PSMA1: variants seen among roughly 807,000 people sequenced by gnomAD.
PSMA1 encodes the protein proteasome 20S subunit alpha 1.
In PSMA1, 3 loss-of-function variants were observed where a neutral mutation model predicts 38.4. That is an observed-to-expected ratio of 0.08 (90% CI 0.04 to 0.20). The LOEUF is 0.20. PSMA1 is among the 10% of genes least tolerant of loss of function. The pLI is 1.00. For synonymous variants in PSMA1, 101 were observed against 107.1 expected (o/e 0.94, Z 0.35); for missense variants, 227 against 325.3 (o/e 0.70, Z 2.32).
chr11:14,630,942 T>C (rs1852996656), intron 1 of PSMA1, among the ~76,000 whole-genome samples: 1 of 152,164 alleles, frequency 6.6e-6, no homozygotes, highest in Admixed American at 6.5e-5. Context: ...GATTTTCTAG[T>C]TTATTTGCGT....
At chr11:14,576,844 G>A (rs1852223730) in intron 2 of PSMA1, among the ~76,000 whole-genome samples, 2 of 152,264 alleles carry the variant, frequency 1.3e-5, no homozygotes, top group African/African-American at 4.8e-5. Context: ...GATGGGGATG[G>A]CATTGAATCT....
chr11:14,606,342 G>A (rs1852643085), intron 2 of PSMA1, among the ~76,000 whole-genome samples: 2 of 151,938 alleles, frequency 1.3e-5, no homozygotes, highest in Non-Finnish European at 2.9e-5. Context: ...CCTGGGCCCA[G>A]GGAGGTCAAG....
chr11:14,636,144 G>T (rs1052670155), intron 1 of PSMA1, among the ~76,000 whole-genome samples: 2 of 152,112 alleles, frequency 1.3e-5, no homozygotes, highest in African/African-American at 4.8e-5. Flanking sequence ...TTTCTAGAAT[G>T]AAACTCTCTT....
At chr11:14,552,918 C>A (rs908542957) in intron 2 of PSMA1, among the ~76,000 whole-genome samples, 1 of 149,940 alleles carries the variant, frequency 6.7e-6, no homozygotes, top group South Asian at 2.1e-4. Context: ...CCACAATTTC[C>A]TGGGCTCGAG....
chr11:14,638,839 T>C (rs550889867), intron 1 of PSMA1, among the ~76,000 whole-genome samples: 20 of 151,312 alleles, frequency 1.3e-4, no homozygotes, highest in African/African-American at 4.9e-4. Flanking sequence ...GTGGCTGTGA[T>C]CCTTCAGATC....
At chr11:14,558,546 C>A (rs1851968599) in intron 2 of PSMA1, among the ~76,000 whole-genome samples, 1 of 152,178 alleles carries the variant, frequency 6.6e-6, no homozygotes, top group African/African-American at 2.4e-5. Context: ...CTCTACTGAC[C>A]CAAGCTATTC....
In PSMA1 at chr11:14,520,330, A is replaced by C. The variant is rs745482955; in HGVS notation, c.-31T>G. The C allele has an allele frequency of 1.8e-5, 29 of 1,614,166 alleles. No individual in the cohort carries two copies. The East Asian group carries it at 6.5e-4, about 36-fold the overall frequency. ...CGGCGCGGGCCTGGTTGCGGCCTCCAGCAAAACTGAGAATCAAGGAGGTGC... is the reference window on the plus strand; with the variant it reads ...CGGCGCGGGCCTGGTTGCGGCCTCCCGCAAAACTGAGAATCAAGGAGGTGC... On this transcript the variant is annotated 5_prime_UTR_variant, in exon 1 of 10. Coordinates refer to ENST00000396394, the MANE Select transcript of PSMA1 (RefSeq NM_002786.4).
chr11:14,597,618 A>G (rs1213969215), intron 2 of PSMA1, among the ~76,000 whole-genome samples: 1 of 151,718 alleles, frequency 6.6e-6, no homozygotes, highest in Admixed American at 6.6e-5. Flanking sequence ...TATTGCATCT[A>G]TTTGATTCTT....
intron 2 of PSMA1, among the ~76,000 whole-genome samples, chr11:14,590,379 T>G (rs1852398018): frequency 6.6e-6 from 1 of 151,820 alleles, no homozygotes; most frequent in African/African-American, 2.4e-5. Flanking sequence ...AAAAACAGGG[T>G]TTTTTTTGTT....
At chr11:14,585,236 C>A (rs146718685) in intron 2 of PSMA1, among the ~76,000 whole-genome samples, 5 of 152,042 alleles carry the variant, frequency 3.3e-5, no homozygotes, top group African/African-American at 9.7e-5. Context: ...CCAAGGCTGC[C>A]AAAGGTATAA....
chr11:14,558,171 G>T (rs999410516), intron 2 of PSMA1, among the ~76,000 whole-genome samples: 2 of 151,472 alleles, frequency 1.3e-5, no homozygotes. Flanking sequence ...CCAGCACTCA[G>T]GGAGGCCACG....
intron 2 of PSMA1, among the ~76,000 whole-genome samples, chr11:14,585,687 T>G (rs183169829): frequency 6.6e-6 from 1 of 152,324 alleles, no homozygotes; most frequent in East Asian, 1.9e-4. Context: ...GCCCCTCTTT[T>G]ATTCGCCCCT....
intron 2 of PSMA1, among the ~76,000 whole-genome samples, chr11:14,571,155 C>A (rs1852135158): frequency 6.6e-6 from 1 of 152,194 alleles, no homozygotes; most frequent in Admixed American, 6.5e-5. Flanking sequence ...CTCCACCTCC[C>A]AGGTTCTCGC....
intron 2 of PSMA1, among the ~76,000 whole-genome samples, chr11:14,527,633 G>A (rs537625940): frequency 5.3e-5 from 8 of 152,206 alleles, no homozygotes; most frequent in African/African-American, 1.9e-4. Flanking sequence ...CACATGCCTC[G>A]AGTCAGGAAA....
chr11:14,507,552 G>A, intron 9 of PSMA1, 104 bp downstream of exon 9: 2 of 770,658 alleles, frequency 2.6e-6, no homozygotes, highest in South Asian at 3.1e-5. Flanking sequence ...TGAATTATGG[G>A]CCCATTTCAA....
intron 2 of PSMA1, among the ~76,000 whole-genome samples, chr11:14,594,110 G>A (rs952833132): frequency 1.4e-4 from 22 of 152,290 alleles, no homozygotes; most frequent in African/African-American, 5.1e-4. Context: ...GCTGAAGAAT[G>A]GAAAGAACCT....
chr11:14,641,124 C>T (rs1853194697), intron 1 of PSMA1, among the ~76,000 whole-genome samples: 1 of 151,476 alleles, frequency 6.6e-6, no homozygotes, highest in African/African-American at 2.4e-5. Flanking sequence ...ACGTGTATAC[C>T]TATGTAACAA....
At chr11:14,593,024 C>T (rs1852442307) in intron 2 of PSMA1, among the ~76,000 whole-genome samples, 3 of 152,148 alleles carry the variant, frequency 2.0e-5, no homozygotes, top group African/African-American at 7.2e-5. Flanking sequence ...AATGTAGGCT[C>T]CTTGAGACCT....
intron 2 of PSMA1, among the ~76,000 whole-genome samples, chr11:14,594,129 A>G (rs985634341): frequency 3.9e-5 from 6 of 152,252 alleles, no homozygotes; most frequent in African/African-American, 9.6e-5. Context: ...CTGATTCATG[A>G]TGACATTCCT....
Sources: gnomAD v4.1 joint callset for allele counts (sites outside exome capture counted in the v4.1 genomes callset) on GRCh38, gnomAD v4.1.1 for gene constraint, MANE v1.5 for transcripts, NCBI Gene and HGNC (gene_info 2026-07-23, HGNC 2026-07-21) for gene names.